Variants in THSD4 observed in about 807,000 individuals in gnomAD.
THSD4 encodes the protein thrombospondin type 1 domain containing 4.
In THSD4, 69 loss-of-function variants were observed where a neutral mutation model predicts 119.0. That is an observed-to-expected ratio of 0.58 (90% confidence interval 0.48 to 0.71). The LOEUF (loss-of-function observed/expected upper bound fraction) is 0.71, where lower values mean the gene tolerates loss of function less well. THSD4 is among the 30% of genes least tolerant of loss of function. The pLI is 0.00. For missense variants in THSD4, 1,393 were observed against 1,391.1 expected, an observed-to-expected ratio of 1.00 and a Z score of -0.02; for synonymous variants, 524 against 540.4, an observed-to-expected ratio of 0.97 and a Z score of 0.42.
rs1289178688 is a variant in THSD4, at chr15:71,420,472, A to G, written c.1152+8649A>G. On this transcript the variant is annotated intron_variant, in intron 7 of 17. Coordinates refer to ENST00000261862, the MANE Select transcript of THSD4 (RefSeq NM_024817.3). The stretch of plus-strand genomic sequence containing the variant: ...TGTGAGTTTTGTCCATTTCCATTCA[A>G]TGTTATTATTGATAGTTAATGACTT... 1.5e-4 allele frequency among the ~76,000 whole-genome samples: 16 copies of G among 104,844 alleles called. 2 individuals carry two copies. The highest frequency in any genetic ancestry group is 3.9e-4 in the African/African-American group (12 of 30,764). The allele number at this position is 104,844 out of a possible 152,430, so 68.8% of individuals were successfully genotyped here. A position where few individuals can be genotyped will look rare whatever the true frequency, so the allele number is the denominator to read the frequency against.
chr15:71,340,651 C>G (rs1369205519), intron 6 of THSD4, among the ~76,000 whole-genome samples: 2 of 149,788 alleles, frequency 1.3e-5, no homozygotes, highest in South Asian at 4.3e-4. Flanking sequence ...TGTCACCCAG[C>G]CTGGAGTGCA....
At chr15:71,210,244 G>A (rs2043878357) in intron 3 of THSD4, among the ~76,000 whole-genome samples, 1 of 152,160 alleles carries the variant, frequency 6.6e-6, no homozygotes. Context: ...CTAAGCCTCA[G>A]TTTTTCATCT....
chr15:71,727,895 T>C (rs1391579112), intron 8 of THSD4, among the ~76,000 whole-genome samples: 1 of 150,122 alleles, frequency 6.7e-6, no homozygotes, highest in Non-Finnish European at 1.5e-5. Context: ...AGACTTAACC[T>C]CAGTGTTGGG....
chr15:71,625,867 G>A (rs1048861972), intron 7 of THSD4, among the ~76,000 whole-genome samples: 4 of 152,176 alleles, frequency 2.6e-5, no homozygotes, highest in African/African-American at 9.7e-5. Flanking sequence ...AGCTGGGATA[G>A]CACAGACTGG....
chr15:71,734,660 A>C (rs959544748), intron 10 of THSD4, among the ~76,000 whole-genome samples: 1 of 152,132 alleles, frequency 6.6e-6, no homozygotes, highest in Admixed American at 6.5e-5. Flanking sequence ...AGCAATAATG[A>C]CATGTCCGTG....
At chr15:71,274,774 T>G (rs185718604) in intron 6 of THSD4, among the ~76,000 whole-genome samples, 27 of 152,250 alleles carry the variant, frequency 1.8e-4, no homozygotes, top group Non-Finnish European at 2.8e-4. Context: ...TTGCCTCTAT[T>G]CTAGGGTATT....
At chr15:71,693,167 C>G (rs1427147440) in intron 8 of THSD4, among the ~76,000 whole-genome samples, 1 of 152,216 alleles carries the variant, frequency 6.6e-6, no homozygotes, top group East Asian at 1.9e-4. Context: ...TCAGGAAAAC[C>G]TTTTAGTAGA....
chr15:71,484,275 G>A (rs1215974112), intron 7 of THSD4, among the ~76,000 whole-genome samples: 1 of 152,208 alleles, frequency 6.6e-6, no homozygotes, highest in Non-Finnish European at 1.5e-5. Context: ...CCTCCAGAGA[G>A]AATGGTTCTA....
chr15:71,598,066 G>C (rs1033742533), intron 7 of THSD4, among the ~76,000 whole-genome samples: 4 of 152,088 alleles, frequency 2.6e-5, no homozygotes, highest in Non-Finnish European at 4.4e-5. Context: ...AGTGTTCCTA[G>C]TGCAGGCTAA....
chr15:71,555,314 G>T (rs1213487035), intron 7 of THSD4, among the ~76,000 whole-genome samples: 3 of 152,048 alleles, frequency 2.0e-5, no homozygotes, highest in Admixed American at 6.5e-5. Context: ...CCAGTATTAG[G>T]CATTATCAGA....
chr15:71,348,253 A>T, intron 6 of THSD4: 1 of 152,162 alleles, frequency 6.6e-6, no homozygotes, highest in East Asian at 1.9e-4. Flanking sequence ...TCAAACTTTA[A>T]TGTGCGGAAG....
At chr15:71,704,895 G>T (rs2052365114) in intron 8 of THSD4, among the ~76,000 whole-genome samples, 1 of 152,218 alleles carries the variant, frequency 6.6e-6, no homozygotes, top group African/African-American at 2.4e-5. Context: ...AGTACATAGT[G>T]ATACCATCTT....
chr15:71,703,873 A>G (rs1350089863), intron 8 of THSD4, among the ~76,000 whole-genome samples: 2 of 152,170 alleles, frequency 1.3e-5, no homozygotes, highest in Non-Finnish European at 2.9e-5. Flanking sequence ...TTTTTGAGAC[A>G]GAGTCTTGCT....
chr15:71,691,740 G>A (rs1334029525), intron 8 of THSD4, among the ~76,000 whole-genome samples: 1 of 152,142 alleles, frequency 6.6e-6, no homozygotes, highest in African/African-American at 2.4e-5. Flanking sequence ...TTTTTAGGGT[G>A]TGAGAGAGAT....
chr15:71,549,362 G>C (rs1471208499), intron 7 of THSD4, among the ~76,000 whole-genome samples: 1 of 152,042 alleles, frequency 6.6e-6, no homozygotes, highest in Admixed American at 6.6e-5. Flanking sequence ...GCATGTGTGT[G>C]CATGCGTGTG....
At chr15:71,326,684 AAAAAAAAAAAAAAAAAAT>A (rs1169545875) in intron 6 of THSD4, among the ~76,000 whole-genome samples, 2 of 21,426 alleles carry the variant, frequency 9.3e-5, no homozygotes, top group South Asian at 2.3e-3. Flanking sequence ...AAAAAAAAAA[AAAAAAAAAAAAAAAAAAT>A]ATATATATAT....
intron 8 of THSD4, among the ~76,000 whole-genome samples, chr15:71,711,505 CA>C (rs2052515155): frequency 6.7e-6 from 1 of 149,434 alleles, no homozygotes; most frequent in African/African-American, 2.5e-5. Flanking sequence ...TATGCAAGTA[CA>C]AAAAAAGAAA....
intron 7 of THSD4, among the ~76,000 whole-genome samples, chr15:71,628,696 A>G (rs923526354): frequency 1.3e-5 from 2 of 152,212 alleles, no homozygotes; most frequent in Admixed American, 1.3e-4. Context: ...ATACACTTTG[A>G]GAATCGAATC....
chr15:71,173,345 G>T (rs982788098), intron 3 of THSD4, among the ~76,000 whole-genome samples: 1 of 151,824 alleles, frequency 6.6e-6, no homozygotes, highest in Non-Finnish European at 1.5e-5. Context: ...ATGAAAACTA[G>T]AAAGCATTGC....
Sources: gnomAD v4.1 joint callset for allele counts (sites outside exome capture counted in the v4.1 genomes callset) on GRCh38, gnomAD v4.1.1 for gene constraint, MANE v1.5 for transcripts, NCBI Gene and HGNC (gene_info 2026-07-23, HGNC 2026-07-21) for gene names.